LIN28B: variants seen among roughly 807,000 people sequenced by gnomAD.
LIN28B encodes lin-28 RNA binding posttranscriptional regulator B.
In LIN28B, 5 loss-of-function variants were observed where a neutral mutation model predicts 21.9. That is an observed-to-expected ratio of 0.23 (90% CI 0.12 to 0.48). LIN28B has a LOEUF of 0.48. LIN28B is among the 20% of genes least tolerant of loss of function. The pLI, the probability that LIN28B is intolerant of heterozygous loss-of-function variation, is 0.98. For synonymous variants in LIN28B, 109 were observed against 111.3 expected, an observed-to-expected ratio of 0.98 and a Z score of 0.13; for missense variants, 245 against 310.5, an observed-to-expected ratio of 0.79 and a Z score of 1.58.
intron 2 of LIN28B, among the ~76,000 whole-genome samples, chr6:105,024,242 T>C (rs964328226): frequency 6.6e-6 from 1 of 152,186 alleles, no homozygotes; most frequent in Non-Finnish European, 1.5e-5. Context: ...TCTGCCCGCC[T>C]TGGCCTCCCA....
In LIN28B at chr6:105,019,393, T is replaced by C. The variant is rs1144607; in HGVS notation, c.199-6905T>C. On this transcript the variant is annotated intron_variant, in intron 2 of 3. Coordinates refer to ENST00000345080, the MANE Select transcript of LIN28B (RefSeq NM_001004317.4). ...TTCTCATTGTCAGAATGAATAGGGG[T>C]GTATGCACAGGATCCAATATTTTAC... Among the ~76,000 whole-genome samples the C allele has an allele frequency of 7.4e-3, 1,131 of 152,246 alleles. 11 individuals are homozygous for C. Among genetic ancestry groups the C allele is most frequent in the African/African-American group, 0.026 (1,080 of 41,554 alleles).
chr6:105,056,942 A>G (rs1772033758), intron 3 of LIN28B, among the ~76,000 whole-genome samples: 1 of 152,162 alleles, frequency 6.6e-6, no homozygotes, highest in South Asian at 2.1e-4. Context: ...GTTTTTTACT[A>G]CTTATTGTCC....
Position 104,990,611 on chromosome 6 carries a change from AGG to A in LIN28B, c.198+32329_198+32330del, listed in dbSNP as rs200712212. On this transcript the variant is annotated intron_variant, in intron 2 of 3. Coordinates refer to ENST00000345080, the MANE Select transcript of LIN28B (RefSeq NM_001004317.4). ...GATCATTCTTGGGTGTTTCTCGCAG[AGG>A]GGGATTTGGCAGGGTCATAGGACAA... 8.1e-5 allele frequency among the ~76,000 whole-genome samples: 12 copies of A among 147,858 alleles called. No individual in the cohort carries two copies. In the East Asian group the frequency reaches 2.4e-3, roughly 29 times the overall value.
chr6:105,002,166 A>ATTT (rs751548299), intron 2 of LIN28B, among the ~76,000 whole-genome samples: 4 of 95,988 alleles, frequency 4.2e-5, no homozygotes, highest in South Asian at 3.3e-4. Flanking sequence ...ATTCTCTGGT[A>ATTT]TTTTTTTTTT....
In LIN28B at chr6:105,059,981, A is replaced by T. The variant is rs112209295; in HGVS notation, c.384-18433A>T. On this transcript the variant is annotated intron_variant, in intron 3 of 3. Transcript: ENST00000345080. ...TGCAATGGTGCAATCTCAACTCACC[A>T]CAACCTCCGCCTCCCAGGTTCAAGC... Among the ~76,000 whole-genome samples, 110 of 149,446 alleles carry T rather than the reference A, an allele frequency of 7.4e-4. No homozygotes were observed. The Middle Eastern group carries it at 0.015, about 20-fold the overall frequency.
chr6:104,963,149 CCATT>C (rs1400700993), intron 2 of LIN28B, among the ~76,000 whole-genome samples: 1 of 152,170 alleles, frequency 6.6e-6, no homozygotes, highest in African/African-American at 2.4e-5. Context: ...CGGGTTCACG[CCATT>C]CTCCTGCTTC....
At chr6:105,070,523 GACTGCTTGAGCCCAGGAGTTAGACACC>G (rs1397709003) in intron 3 of LIN28B, among the ~76,000 whole-genome samples, 1 of 151,626 alleles carries the variant, frequency 6.6e-6, no homozygotes, top group Non-Finnish European at 1.5e-5. Flanking sequence ...AGATGGGAGG[GACTGCTTGAGCCCAGGAGTTAGACACC>G]AGCTTGGGCA....
At chr6:104,991,979 CG>C (rs1405821495) in intron 2 of LIN28B, among the ~76,000 whole-genome samples, 5 of 137,144 alleles carry the variant, frequency 3.6e-5, no homozygotes, top group African/African-American at 1.4e-4. Context: ...AGCTTTGGCT[CG>C]GCATCAGAGG....
chr6:105,016,401 C>T (rs987253519), intron 2 of LIN28B, among the ~76,000 whole-genome samples: 17 of 152,210 alleles, frequency 1.1e-4, no homozygotes, highest in Admixed American at 9.8e-4. Context: ...CATGTAGTTT[C>T]AAGATTCTAA....
Position 105,080,714 on chromosome 6 carries a change from A to AT in LIN28B, c.*1936dup, listed in dbSNP as rs1203342765. On this transcript the variant is annotated 3_prime_UTR_variant, in exon 4 of 4. Coordinates refer to ENST00000345080, the MANE Select transcript of LIN28B (RefSeq NM_001004317.4). Reference sequence around the variant, plus strand: ...AGACAAATCAAAGTGGCATTGCTTAATTTTTAGCAGGCATAATAAGCAAGT... The same window carrying AT: ...AGACAAATCAAAGTGGCATTGCTTAATTTTTTAGCAGGCATAATAAGCAAGT... 1 of 152,686 alleles carries AT rather than the reference A, an allele frequency of 6.5e-6. No homozygotes were observed. The highest frequency in any genetic ancestry group is 2.4e-5 in the African/African-American group (1 of 41,468). 9.5% of individuals were successfully genotyped at this position (152,686 alleles called of 1,614,324 possible). A position where few individuals can be genotyped will look rare whatever the true frequency, so the allele number is the denominator to read the frequency against.
At chr6:104,966,502 G>C (rs901793434) in intron 2 of LIN28B, among the ~76,000 whole-genome samples, 1 of 151,866 alleles carries the variant, frequency 6.6e-6, no homozygotes, top group East Asian at 1.9e-4. Context: ...TGCTCAGGCT[G>C]GAGTGCAGTG....
intron 3 of LIN28B, among the ~76,000 whole-genome samples, chr6:105,037,663 C>G (rs533870542): frequency 8.5e-4 from 129 of 151,790 alleles, no homozygotes; most frequent in African/African-American, 3.0e-3. Context: ...CACATGTGCA[C>G]CACCACACCC....
At chr6:104,997,131 A>G (rs1271179422) in intron 2 of LIN28B, among the ~76,000 whole-genome samples, 3 of 152,066 alleles carry the variant, frequency 2.0e-5, no homozygotes, top group African/African-American at 7.2e-5. Context: ...AATACAAAAA[A>G]TTAGCTGGGC....
rs1772459707 is a variant in LIN28B at position 105,077,649 on chromosome 6, A to T, written c.384-765A>T. Among the ~76,000 whole-genome samples, 3 of 152,198 alleles carry T rather than the reference A, an allele frequency of 2.0e-5. 1 individual carries two copies. In the South Asian group the frequency reaches 6.2e-4, roughly 32 times the overall value. On this transcript the variant is annotated intron_variant, in intron 3 of 3. Coordinates refer to ENST00000345080, the MANE Select transcript of LIN28B (RefSeq NM_001004317.4). ...AAAAGAAAGCTAATTTCTTACAAAA[A>T]AGAAAAGAAAGTTAACTTTTCTCAT...
In LIN28B at chr6:105,063,646, G is replaced by C. The variant is rs35965375; in HGVS notation, c.384-14768G>C. Among the ~76,000 whole-genome samples, 301 of 124,706 alleles carry C rather than the reference G, an allele frequency of 2.4e-3. 8 individuals carry two copies. The highest frequency in any genetic ancestry group is 7.9e-3 in the Middle Eastern group (2 of 254). 81.8% of individuals were successfully genotyped at this position (124,706 alleles called of 152,430 possible). A position where few individuals can be genotyped will look rare whatever the true frequency, so the allele number is the denominator to read the frequency against. On this transcript the variant is annotated intron_variant, in intron 3 of 3. Transcript: ENST00000345080. ...GCAAGACTCCATCTCGGGGGGGGGG[G>C]GGAAAAAAAGGTAAAGTAAAGGATA...
chr6:105,077,817 A>G (rs1772464592), intron 3 of LIN28B, among the ~76,000 whole-genome samples: 1 of 152,208 alleles, frequency 6.6e-6, no homozygotes, highest in Non-Finnish European at 1.5e-5. Context: ...CTTTCTGACT[A>G]GACTCTGACT....
At chr6:105,045,727 C>T (rs2114374125) in intron 3 of LIN28B, 1 of 152,274 alleles carries the variant, frequency 6.6e-6, no homozygotes, top group Middle Eastern at 3.4e-3. Context: ...CAATGCTAAA[C>T]CAATTACTCA....
intron 2 of LIN28B, among the ~76,000 whole-genome samples, chr6:104,943,962 T>G (rs969864204): frequency 6.6e-6 from 1 of 152,120 alleles, no homozygotes; most frequent in African/African-American, 2.4e-5. Context: ...TGTGTTGGAT[T>G]TCTCTGACAC....
intron 3 of LIN28B, among the ~76,000 whole-genome samples, chr6:105,059,333 T>C (rs930534151): frequency 2.0e-5 from 3 of 152,260 alleles, no homozygotes; most frequent in Non-Finnish European, 4.4e-5. Flanking sequence ...TATTAAATAG[T>C]GGATTTCCTG....
Sources: gnomAD v4.1 joint callset for allele counts (sites outside exome capture counted in the v4.1 genomes callset) on GRCh38, gnomAD v4.1.1 for gene constraint, MANE v1.5 for transcripts, NCBI Gene and HGNC (gene_info 2026-07-23, HGNC 2026-07-21) for gene names.